The following PCDHA1 variants were observed in gnomAD, a reference collection of about 807,000 sequenced individuals.
PCDHA1 encodes protocadherin alpha 1.
In PCDHA1, 42 loss-of-function variants were observed where a neutral mutation model predicts 61.3. The observed-to-expected ratio is 0.69, with a 90% CI of 0.54 to 0.89. The LOEUF (loss-of-function observed/expected upper bound fraction) is 0.89, where lower values mean the gene tolerates loss of function less well. Ranked by LOEUF, PCDHA1 falls within the 40% of genes least tolerant of loss-of-function variation. The probability of loss-of-function intolerance (pLI) is 0.00; values close to 1 mark genes in which losing one functional copy is unlikely to be tolerated. For synonymous variants in PCDHA1, 610 were observed against 553.8 expected (o/e 1.10, Z -1.43); for missense variants, 1,256 against 1,235.3 (o/e 1.02, Z -0.25).
At chr5:141,000,743 T>TAA (rs527867626) in intron 3 of PCDHA1, among the ~76,000 whole-genome samples, 3 of 145,408 alleles carry the variant, frequency 2.1e-5, no homozygotes, top group Admixed American at 6.9e-5. Context: ...CTCTGTATAT[T>TAA]AAAAAAAAAA....
intron 1 of PCDHA1, among the ~76,000 whole-genome samples, chr5:140,913,922 A>G (rs2076507888): frequency 6.6e-6 from 1 of 151,936 alleles, no homozygotes; most frequent in South Asian, 2.1e-4. Context: ...ATTTTACTTC[A>G]TTGTGGTCAG....
rs184346855 is a variant in PCDHA1 at position 140,854,945 on chromosome 5, A to C, written c.2394+66261A>C. 2.0e-5 allele frequency among the ~76,000 whole-genome samples: 3 copies of C among 150,054 alleles called. 1 individual carries two copies. Among genetic ancestry groups the C allele is most frequent in the African/African-American group, 7.3e-5 (3 of 41,022 alleles). ...TTTGCCTCTGAAAGCAGAAATAATA[A>C]ATTTCTTAATTACTTTATTCAGAAT... On this transcript the variant is annotated intron_variant, in intron 1 of 3. Transcript: ENST00000504120.
At chr5:140,822,126 T>C (rs2150113855) in intron 1 of PCDHA1, 9 of 1,614,204 alleles carry the variant, frequency 5.6e-6, no homozygotes, top group Non-Finnish European at 6.8e-6. Flanking sequence ...AGGTTTTCCA[T>C]GTGGAGGTGG....
rs782655019 is a variant in PCDHA1 at position 140,796,574 on chromosome 5, C to A, written c.2394+7890C>A. 2.5e-6 allele frequency: 4 copies of A among 1,613,270 alleles called. No homozygotes were observed. The Admixed American group carries it at 6.7e-5, about 27-fold the overall frequency. Reference sequence around the variant, plus strand: ...GAGCTGCTGCAGTTCCAGGTGAGCGCGCGGGATGCGGGCGTGCCGCCTCTG... The same window carrying A: ...GAGCTGCTGCAGTTCCAGGTGAGCGAGCGGGATGCGGGCGTGCCGCCTCTG... On this transcript the variant is annotated intron_variant, in intron 1 of 3. Coordinates refer to ENST00000504120, the MANE Select transcript of PCDHA1 (RefSeq NM_018900.4).
At chr5:140,862,185 A>G (rs561305480) in intron 1 of PCDHA1, 1 of 166,788 alleles carries the variant, frequency 6.0e-6, no homozygotes, top group South Asian at 1.6e-4. Flanking sequence ...TGACACAGGC[A>G]ATTCCCCAAT....
At chr5:140,983,092 T>C (rs782172308) in intron 3 of PCDHA1, among the ~76,000 whole-genome samples, 4 of 152,178 alleles carry the variant, frequency 2.6e-5, no homozygotes, top group Non-Finnish European at 5.9e-5. Flanking sequence ...TCAAAGTCAA[T>C]CTGCTTCTCT....
At chr5:140,952,088 A>G (rs2094684736) in intron 1 of PCDHA1, among the ~76,000 whole-genome samples, 1 of 152,154 alleles carries the variant, frequency 6.6e-6, no homozygotes, top group South Asian at 2.1e-4. Flanking sequence ...TCCATGTCTC[A>G]CATCCAGGGC....
At chr5:140,937,009 C>A (rs1409113092) in intron 1 of PCDHA1, among the ~76,000 whole-genome samples, 11 of 151,930 alleles carry the variant, frequency 7.2e-5, no homozygotes, top group African/African-American at 1.9e-4. Context: ...AGACAGACAA[C>A]CGATTAACAA....
chr5:140,884,352 A>C, intron 1 of PCDHA1: 1 of 1,613,828 alleles, frequency 6.2e-7, no homozygotes, highest in African/African-American at 1.3e-5. Context: ...GCGCTGGTGG[A>C]TGTCAATGTT....
chr5:140,883,306 C>G, intron 1 of PCDHA1: 1 of 1,614,050 alleles, frequency 6.2e-7, no homozygotes, highest in Non-Finnish European at 8.5e-7. Flanking sequence ...TAAATGATAA[C>G]GCCCCAGAGG....
intron 1 of PCDHA1, chr5:140,927,044 C>T (rs1337649079): frequency 6.2e-7 from 1 of 1,612,210 alleles, no homozygotes; most frequent in Non-Finnish European, 8.5e-7. Flanking sequence ...GCCGCTATGT[C>T]CTCGCGGAAC....
At position 140,852,929 on chromosome 5, in the gene PCDHA1, A is replaced by G. The variant is rs2150525659; in HGVS notation, c.2394+64245A>G. 9 of 654,866 alleles carry G rather than the reference A, an allele frequency of 1.4e-5. No individual in the cohort carries two copies. The Admixed American group carries it at 3.9e-4, about 29-fold the overall frequency. The allele number at this position is 654,866 out of a possible 1,614,324, so 40.6% of individuals were successfully genotyped here. A position where few individuals can be genotyped will look rare whatever the true frequency, so the allele number is the denominator to read the frequency against. Reference sequence around the variant, plus strand: ...AGTCTCGCTCTGTTGCCCAGGCTGGAGTGCAGTGGTGCCATCTTGGCTCAC... The same window carrying G: ...AGTCTCGCTCTGTTGCCCAGGCTGGGGTGCAGTGGTGCCATCTTGGCTCAC... On this transcript the variant is annotated intron_variant, in intron 1 of 3. Transcript: ENST00000504120.
rs781792274 is a variant in PCDHA1 at position 140,927,895 on chromosome 5, G to C, written c.2395-51054G>C. ...GCTGGTGGAGGTGACTGACGTGAAC[G>C]ATCATGCCCCCGAACTGGACTTCCT... On this transcript the variant is annotated intron_variant, in intron 1 of 3. Coordinates refer to ENST00000504120, the MANE Select transcript of PCDHA1 (RefSeq NM_018900.4). The C allele has an allele frequency of 3.7e-6, 6 of 1,614,074 alleles. No homozygotes were observed. The South Asian group carries it at 6.6e-5, about 18-fold the overall frequency.
chr5:140,944,182 G>GTTTGT (rs750577669), intron 1 of PCDHA1, among the ~76,000 whole-genome samples: 5 of 152,052 alleles, frequency 3.3e-5, no homozygotes, highest in East Asian at 1.9e-4. Flanking sequence ...TTTTTTGTTG[G>GTTTGT]TTTGTTTTGT....
intron 1 of PCDHA1, chr5:140,836,302 C>G: frequency 1.9e-6 from 3 of 1,613,734 alleles, no homozygotes; most frequent in East Asian, 2.2e-5. Flanking sequence ...CTAGATGAGA[C>G]GGACGCACCG....
chr5:140,921,282 A>C (rs1208744523), intron 1 of PCDHA1, among the ~76,000 whole-genome samples: 1 of 152,224 alleles, frequency 6.6e-6, no homozygotes, highest in Non-Finnish European at 1.5e-5. Flanking sequence ...CTTGAAAAAA[A>C]CCTCAAATTT....
chr5:140,897,086 T>TA (rs1430532398), intron 1 of PCDHA1, among the ~76,000 whole-genome samples: 12 of 152,178 alleles, frequency 7.9e-5, no homozygotes, highest in Non-Finnish European at 1.6e-4. Flanking sequence ...TTCTATTTTT[T>TA]ATCCTCATTA....
chr5:140,831,641 G>A (rs10060640), intron 1 of PCDHA1, among the ~76,000 whole-genome samples: 80,051 of 151,240 alleles, frequency 0.53, 21,345 homozygotes, highest in Middle Eastern at 0.65. Flanking sequence ...AAGATTATAG[G>A]TGTGAGCCAC....
At position 140,848,597 on chromosome 5, in the gene PCDHA1, C is replaced by T. The variant is rs151001396; in HGVS notation, c.2394+59913C>T. ...TGGGGAGCGGCCAGCTCCACTACTC[C>T]GTCCCGGAGGAAGCCGAACACGGCA... is the stretch of plus-strand genomic sequence containing the variant. On this transcript the variant is annotated intron_variant, in intron 1 of 3. Coordinates refer to ENST00000504120, the MANE Select transcript of PCDHA1 (RefSeq NM_018900.4). The T allele has an allele frequency of 5.0e-6, 8 of 1,591,350 alleles. 1 individual carries two copies. The African/African-American group carries it at 6.7e-5, about 13-fold the overall frequency.
Sources: gnomAD v4.1 joint callset for allele counts (sites outside exome capture counted in the v4.1 genomes callset) on GRCh38, gnomAD v4.1.1 for gene constraint, MANE v1.5 for transcripts, NCBI Gene and HGNC (gene_info 2026-07-23, HGNC 2026-07-21) for gene names.